Variants in SLC6A20 observed in about 807,000 individuals in gnomAD.
SLC6A20 encodes the protein sodium- and chloride-dependent transporter XTRP3.
A neutral mutation model predicts 64.3 loss-of-function variants in SLC6A20; 73 were observed. The observed-to-expected ratio is 1.14, with a 90% CI of 0.94 to 1.38. The LOEUF (loss-of-function observed/expected upper bound fraction) is 1.38. Ranked by LOEUF, SLC6A20 falls within the 40% of genes most tolerant of loss-of-function variation. The probability of loss-of-function intolerance (pLI) is 0.00; values close to 1 mark genes in which losing one functional copy is unlikely to be tolerated. For missense variants in SLC6A20, 725 were observed against 772.8 expected (o/e 0.94, Z 0.73); for synonymous variants, 347 against 329.6 (o/e 1.05, Z -0.57).
intron 7 of SLC6A20, among the ~76,000 whole-genome samples, chr3:45,770,001 G>T (rs530878130): frequency 6.6e-6 from 1 of 152,178 alleles, no homozygotes; most frequent in Non-Finnish European, 1.5e-5. Flanking sequence ...AGAGAGGTCC[G>T]CCAGGAAGTT....
At chr3:45,767,946 AAT>A (rs1352439725) in intron 7 of SLC6A20, among the ~76,000 whole-genome samples, 1 of 152,260 alleles carries the variant, frequency 6.6e-6, no homozygotes, top group Non-Finnish European at 1.5e-5. Flanking sequence ...GATAGATGCC[AAT>A]TATAGAACAA....
At chr3:45,772,249 G>T (rs1324584592) in intron 5 of SLC6A20, 4 of 427,722 alleles carry the variant, frequency 9.4e-6, no homozygotes, top group Non-Finnish European at 1.7e-5. Context: ...GCAGTTGGGG[G>T]ACAGTGAGGA....
intron 5 of SLC6A20, 62 bp from the exon 6 acceptor site, chr3:45,771,520 G>T (rs540282011): frequency 2.1e-5 from 34 of 1,601,622 alleles, no homozygotes; most frequent in African/African-American, 9.4e-5. Context: ...GCTCAGACCC[G>T]CAACAGGAGA....
chr3:45,778,314 A>G (rs1368591275), intron 3 of SLC6A20, among the ~76,000 whole-genome samples: 1 of 152,202 alleles, frequency 6.6e-6, no homozygotes, highest in African/African-American at 2.4e-5. Context: ...TTTTGATTAC[A>G]TGAGTGAACA....
At chr3:45,783,749 C>G (rs1427592930) in intron 1 of SLC6A20, among the ~76,000 whole-genome samples, 2 of 152,248 alleles carry the variant, frequency 1.3e-5, no homozygotes, top group Non-Finnish European at 2.9e-5. Flanking sequence ...AGTGCCCACA[C>G]CACCAGGCTT....
At chr3:45,782,042 C>T (rs116555562) in intron 2 of SLC6A20, 41 bp downstream of exon 2, 18,823 of 1,549,396 alleles carry the variant, frequency 0.012, 135 homozygotes, top group Middle Eastern at 0.029. Context: ...CCATGCTGCC[C>T]GGGTCTCTGG....
In SLC6A20 at chr3:45,772,608, T is replaced by TA; in HGVS notation, c.589dup (p.Tyr197LeufsTer71). On this transcript the variant is annotated frameshift_variant, in exon 5 of 11. Coordinates refer to ENST00000358525, the MANE Select transcript of SLC6A20 (RefSeq NM_020208.4). LOFTEE classifies it high-confidence loss of function. ...GCAATAGGGCAGTGACGCCGTGAAA[T>TA]ACACCACCTGCGGGCATCAGAGGGC... 1 of 1,613,362 alleles carries TA rather than the reference T, an allele frequency of 6.2e-7. No homozygotes were observed. Among genetic ancestry groups the TA allele is most frequent in the East Asian group, 2.2e-5 (1 of 44,858 alleles).
intron 1 of SLC6A20, among the ~76,000 whole-genome samples, chr3:45,782,777 G>A (rs1052788032): frequency 6.6e-6 from 1 of 152,140 alleles, no homozygotes; most frequent in African/African-American, 2.4e-5. Context: ...CCATCCATCT[G>A]TGGATGACAT....
At chr3:45,761,859 A>C (rs1262350022) in intron 9 of SLC6A20, among the ~76,000 whole-genome samples, 1 of 152,150 alleles carries the variant, frequency 6.6e-6, no homozygotes, top group East Asian at 1.9e-4. Flanking sequence ...TTATGTCCTG[A>C]TGGATCATGG....
At chr3:45,779,032 G>T (rs1362839003) in intron 3 of SLC6A20, among the ~76,000 whole-genome samples, 3 of 152,210 alleles carry the variant, frequency 2.0e-5, no homozygotes, top group African/African-American at 7.2e-5. Context: ...ACAGAGTCAA[G>T]GCTATGCCCA....
chr3:45,762,769 C>T (rs1699705513), intron 9 of SLC6A20, 144 bp downstream of exon 9: 14 of 1,057,182 alleles, frequency 1.3e-5, no homozygotes, highest in African/African-American at 3.2e-5. Flanking sequence ...CTGAGATCTG[C>T]GGGCAAAGAA....
At chr3:45,792,753 C>T (rs1005895945) in intron 1 of SLC6A20, among the ~76,000 whole-genome samples, 1 of 152,206 alleles carries the variant, frequency 6.6e-6, no homozygotes, top group Admixed American at 6.5e-5. Context: ...CGGCACAATA[C>T]GTTGGCAGTC....
chr3:45,769,196 G>C (rs751275997), intron 7 of SLC6A20, among the ~76,000 whole-genome samples: 1 of 152,166 alleles, frequency 6.6e-6, no homozygotes, highest in Non-Finnish European at 1.5e-5. Context: ...GATGTGCCAA[G>C]ACATTCATAG....
chr3:45,769,558 A>G (rs1301762257), intron 7 of SLC6A20, among the ~76,000 whole-genome samples: 2 of 151,740 alleles, frequency 1.3e-5, no homozygotes, highest in East Asian at 3.9e-4. Context: ...AAAATGCAGC[A>G]TTTAAATGAA....
chr3:45,791,717 C>T lies in SLC6A20; in HGVS notation c.121+4582G>A, dbSNP rs140437143. ...GAAGAAGGTGAAGGGGAAGTAGGCA[C>T]GTCTTACATGACTGGAGCAGGAGGA... is the stretch of plus-strand genomic sequence containing the variant. On this transcript the variant is annotated intron_variant, in intron 1 of 10. Transcript: ENST00000358525. 3.4e-3 allele frequency: 542 copies of T among 157,354 alleles called. 2 individuals are homozygous for T. The highest frequency in any genetic ancestry group is 6.0e-3 in the South Asian group (31 of 5,180). 9.7% of individuals were successfully genotyped at this position (157,354 alleles called of 1,614,324 possible). A position where few individuals can be genotyped will look rare whatever the true frequency, so the allele number is the denominator to read the frequency against.
At chr3:45,786,483 A>G (rs1180295392) in intron 1 of SLC6A20, among the ~76,000 whole-genome samples, 1 of 152,254 alleles carries the variant, frequency 6.6e-6, no homozygotes, top group Non-Finnish European at 1.5e-5. Flanking sequence ...GTTTTGGCAG[A>G]AACACTAAAG....
Position 45,759,842 on chromosome 3 carries a change from G to A in SLC6A20, c.1629+15C>T, listed in dbSNP as rs1460296775. 21 of 1,606,996 alleles carry A rather than the reference G, an allele frequency of 1.3e-5. No homozygotes were observed. Among genetic ancestry groups the A allele is most frequent in the Non-Finnish European group, 1.7e-5 (20 of 1,177,208 alleles). On this transcript the variant is annotated intron_variant, in intron 10 of 10. Coordinates refer to ENST00000358525, the MANE Select transcript of SLC6A20 (RefSeq NM_020208.4). ...CATGGGGGCCCAGCGCCAGCCCTAC[G>A]GAGACAGTAGATACCTGGGAGGCGT...
intron 3 of SLC6A20, among the ~76,000 whole-genome samples, chr3:45,777,568 G>A (rs1440618786): frequency 2.6e-5 from 4 of 152,222 alleles, no homozygotes; most frequent in Admixed American, 6.5e-5. Flanking sequence ...TCAGAACCCT[G>A]TAGCTAGCCT....
At chr3:45,759,792 T>G (rs1160825139) in intron 10 of SLC6A20, 65 bp downstream of exon 10, 1 of 1,527,478 alleles carries the variant, frequency 6.5e-7, no homozygotes, top group East Asian at 2.3e-5. Context: ...TTTCGGAAAA[T>G]GAATGGCCCA....
Sources: allele counts gnomAD v4.1 joint callset (sites outside exome capture counted in the v4.1 genomes callset), GRCh38; gene constraint gnomAD v4.1.1; transcripts MANE v1.5; gene names NCBI Gene and HGNC (gene_info 2026-07-23, HGNC 2026-07-21).